PRKCD: variants seen among roughly 807,000 people sequenced by gnomAD.
PRKCD encodes the protein protein kinase C delta, also known as protein kinase C delta type.
PRKCD carries 20 observed loss-of-function variants against 82.2 expected under a neutral mutation model. The ratio of observed to expected loss-of-function variants is 0.24; its 90% CI spans 0.17 to 0.35. The LOEUF (loss-of-function observed/expected upper bound fraction) is 0.35, where lower values mean the gene tolerates loss of function less well. PRKCD is among the 10% of genes least tolerant of loss of function. PRKCD has a pLI of 1.00. For missense variants in PRKCD, 607 were observed against 899.0 expected, an observed-to-expected ratio of 0.68 and a Z score of 4.15; for synonymous variants, 317 against 337.0, an observed-to-expected ratio of 0.94 and a Z score of 0.65.
At chr3:53,182,816 C>T (rs782344732) in intron 7 of PRKCD, among the ~76,000 whole-genome samples, 7 of 152,160 alleles carry the variant, frequency 4.6e-5, no homozygotes, top group South Asian at 4.1e-4. Context: ...AAGAACTGCC[C>T]CCGCTTCTCA....
chr3:53,176,020 A>C (rs1703202518), intron 2 of PRKCD, among the ~76,000 whole-genome samples: 1 of 152,122 alleles, frequency 6.6e-6, no homozygotes, highest in African/African-American at 2.4e-5. Context: ...GGCTGTATAT[A>C]ATCACATTCC....
rs193019090 is a variant in PRKCD, at chr3:53,190,673, G to C, written c.1872+672G>C. Among the ~76,000 whole-genome samples the C allele has an allele frequency of 4.2e-3, 646 of 152,278 alleles. 33 individuals are homozygous for C. The South Asian group carries it at 0.092, about 22-fold the overall frequency. On this transcript the variant is annotated intron_variant, in intron 18 of 18. Coordinates refer to ENST00000330452, the MANE Select transcript of PRKCD (RefSeq NM_006254.4). ...GCAGGTGGGGCCACTAAGAAATTTG[G>C]GGCTGTGTGGCCCCTCTGTGACCAC...
chr3:53,178,379 T>G, intron 2 of PRKCD, 25 bp from the exon 3 acceptor site: 1 of 1,553,206 alleles, frequency 6.4e-7, no homozygotes, highest in Non-Finnish European at 8.8e-7. Flanking sequence ...CCCGGCCGCC[T>G]GGCCTCACCC....
At chr3:53,166,236 C>T (rs1559614236) in intron 2 of PRKCD, among the ~76,000 whole-genome samples, 1 of 152,174 alleles carries the variant, frequency 6.6e-6, no homozygotes, top group Non-Finnish European at 1.5e-5. Flanking sequence ...GAGCAGTCTT[C>T]ACTGGGCCTT....
chr3:53,178,790 AT>A (rs1346683987), intron 3 of PRKCD, among the ~76,000 whole-genome samples: 4 of 152,074 alleles, frequency 2.6e-5, no homozygotes, highest in Non-Finnish European at 4.4e-5. Flanking sequence ...TTACCCAGCA[AT>A]TTTTACATGT....
chr3:53,168,727 G>A (rs1702914493), intron 2 of PRKCD, among the ~76,000 whole-genome samples: 1 of 151,918 alleles, frequency 6.6e-6, no homozygotes, highest in Non-Finnish European at 1.5e-5. Flanking sequence ...CTCCTAAGCG[G>A]GAAGGAACTG....
At chr3:53,167,244 G>T (rs1702864270) in intron 2 of PRKCD, among the ~76,000 whole-genome samples, 1 of 152,174 alleles carries the variant, frequency 6.6e-6, no homozygotes, top group South Asian at 2.1e-4. Flanking sequence ...CCTGCCCAGG[G>T]GAGCAGCGTC....
chr3:53,177,356 C>G (rs1213029692), intron 2 of PRKCD, among the ~76,000 whole-genome samples: 1 of 152,106 alleles, frequency 6.6e-6, no homozygotes, highest in Non-Finnish European at 1.5e-5. Flanking sequence ...GAGAGGCACT[C>G]GACCCCAAGG....
At chr3:53,178,690 G>A (rs1039306363) in intron 3 of PRKCD, among the ~76,000 whole-genome samples, 153 bp downstream of exon 3, 9 of 152,248 alleles carry the variant, frequency 5.9e-5, no homozygotes, top group African/African-American at 2.2e-4. Context: ...GAAGGCAGAG[G>A]CCACTGAGTC....
chr3:53,186,478 G>T, intron 13 of PRKCD, 126 bp from the exon 14 acceptor site: 1 of 1,387,608 alleles, frequency 7.2e-7, no homozygotes, highest in South Asian at 1.3e-5. Context: ...GCCTCCCAGG[G>T]CAGAGTCGTC....
Position 53,189,931 on chromosome 3 carries a change from C to T in PRKCD, c.1802C>T (p.Pro601Leu), listed in dbSNP as rs781792221. Reference protein sequence around the residue: ...LGVTGNIKIHPFFKTINWTLL... With the variant: ...LGVTGNIKIHLFFKTINWTLL... ...GTGACCGGAAACATCAAAATCCACCCCTTCTTCAAGACCATAAACTGGACT... is the reference window on the plus strand; with the variant it reads ...GTGACCGGAAACATCAAAATCCACCTCTTCTTCAAGACCATAAACTGGACT... Residue 601 changes from proline (P) to leucine (L), a missense_variant, in exon 18 of 19, where the codon CCC (proline) becomes CTC (leucine). By Grantham distance (98) the Pro-to-Leu change is moderately conservative. This residue lies in a region of PRKCD where 251 missense variants were observed against 423.9 expected (regional missense o/e 0.59). Coordinates refer to ENST00000330452, the MANE Select transcript of PRKCD (RefSeq NM_006254.4). 2 of 1,614,168 alleles carry T rather than the reference C, an allele frequency of 1.2e-6. No individual in the cohort carries two copies. The highest frequency in any genetic ancestry group is 1.7e-6 in the Non-Finnish European group (2 of 1,180,018).
chr3:53,170,104 C>T (rs535591130), intron 2 of PRKCD, among the ~76,000 whole-genome samples: 5 of 152,080 alleles, frequency 3.3e-5, no homozygotes, highest in South Asian at 2.1e-4. Context: ...AAACACAAAA[C>T]GATTGTTTCC....
At chr3:53,171,712 CAGA>C in intron 2 of PRKCD, among the ~76,000 whole-genome samples, 1 of 152,344 alleles carries the variant, frequency 6.6e-6, no homozygotes, top group East Asian at 1.9e-4. Flanking sequence ...TGTGGGAATT[CAGA>C]AGGCTGTTCC....
intron 16 of PRKCD, 97 bp from the exon 17 acceptor site, chr3:53,188,961 C>A (rs1703817528): frequency 6.3e-7 from 1 of 1,580,344 alleles, no homozygotes; most frequent in Non-Finnish European, 8.6e-7. Flanking sequence ...AGCCAAAGCC[C>A]ATAGGCTGAG....
At chr3:53,180,719 G>C (rs574264668) in intron 4 of PRKCD, among the ~76,000 whole-genome samples, 1 of 152,186 alleles carries the variant, frequency 6.6e-6, no homozygotes, top group South Asian at 2.1e-4. Flanking sequence ...TCTAGGTCTT[G>C]GGGGAGGTGA....
chr3:53,170,190 G>C (rs1365874178), intron 2 of PRKCD, among the ~76,000 whole-genome samples: 1 of 152,212 alleles, frequency 6.6e-6, no homozygotes, highest in Non-Finnish European at 1.5e-5. Flanking sequence ...CTTGTACTGG[G>C]GGCTGATGGA....
At chr3:53,165,473 A>C (rs1702802760) in intron 2 of PRKCD, among the ~76,000 whole-genome samples, 1 of 152,228 alleles carries the variant, frequency 6.6e-6, no homozygotes. Flanking sequence ...CCTGGGGCCT[A>C]CCATTAATTT....
At chr3:53,186,454 CT>C (rs1281643601) in intron 13 of PRKCD, 114 bp downstream of exon 13, 1 of 1,383,208 alleles carries the variant, frequency 7.2e-7, no homozygotes, top group African/African-American at 1.5e-5. Flanking sequence ...CAGGGCCATG[CT>C]TTCCCCCCTC....
chr3:53,166,666 G>T (rs1434638927), intron 2 of PRKCD, among the ~76,000 whole-genome samples: 1 of 152,258 alleles, frequency 6.6e-6, no homozygotes, highest in East Asian at 1.9e-4. Flanking sequence ...CCCATTCTGG[G>T]GTCAGGAAGG....
Sources: allele counts gnomAD v4.1 joint callset (sites outside exome capture counted in the v4.1 genomes callset), GRCh38; gene constraint gnomAD v4.1.1; regional missense constraint gnomAD v4.1.1; transcripts MANE v1.5; gene names NCBI Gene and HGNC (gene_info 2026-07-23, HGNC 2026-07-21).